Variants in CMIP observed in about 807,000 individuals in gnomAD.
CMIP encodes C-Maf-inducing protein.
In CMIP, 13 loss-of-function variants were observed where a neutral mutation model predicts 97.3. The ratio of observed to expected loss-of-function variants is 0.13; its 90% confidence interval spans 0.09 to 0.21. The LOEUF is 0.21. Among genes scored for constraint, CMIP ranks in the 10% least tolerant of loss-of-function variants. CMIP has a pLI of 1.00. For missense variants in CMIP, 847 were observed against 1,024.9 expected (o/e 0.83, Z 2.37); for synonymous variants, 538 against 436.3 (o/e 1.23, Z -2.91).
At chr16:81,507,117 G>T (rs1475666427) in intron 1 of CMIP, among the ~76,000 whole-genome samples, 1 of 151,978 alleles carries the variant, frequency 6.6e-6, no homozygotes, top group Non-Finnish European at 1.5e-5. Context: ...TTAGCTGGGC[G>T]TGGTGGCGGG....
intron 9 of CMIP, among the ~76,000 whole-genome samples, chr16:81,675,573 T>C (rs568417845): frequency 3.9e-5 from 6 of 152,266 alleles, no homozygotes; most frequent in African/African-American, 1.4e-4. Context: ...TCACCTGGAC[T>C]GCTTTAAAAT....
chr16:81,550,688 C>G (rs1432483831), intron 1 of CMIP, among the ~76,000 whole-genome samples: 1 of 152,152 alleles, frequency 6.6e-6, no homozygotes, highest in Non-Finnish European at 1.5e-5. Context: ...TACTAGAAGG[C>G]TGAAGTCAGG....
At chr16:81,682,398 C>T (rs1904960603) in intron 10 of CMIP, among the ~76,000 whole-genome samples, 1 of 152,126 alleles carries the variant, frequency 6.6e-6, no homozygotes, top group African/African-American at 2.4e-5. Context: ...AACCTCGTCT[C>T]TACTAAAAAT....
At chr16:81,529,797 C>T (rs1004564791) in intron 1 of CMIP, among the ~76,000 whole-genome samples, 5 of 152,270 alleles carry the variant, frequency 3.3e-5, no homozygotes, top group African/African-American at 9.6e-5. Context: ...CCTTGGAGAA[C>T]GGGCAAGGAT....
Position 81,699,796 on chromosome 16 carries a change from G to C in CMIP, c.1750G>C (p.Val584Leu), listed in dbSNP as rs762470722. The change falls in exon 15 of 21, where the codon GTG (valine) becomes CTG (leucine). Residue 584 changes from valine (V) to leucine (L), a missense_variant. Val to Leu is a conservative substitution (Grantham distance 32). This residue lies in a region of CMIP where 266 missense variants were observed against 384.2 expected (regional missense o/e 0.69). Transcript: ENST00000537098. The part of the protein sequence containing the change: ...LLALRGNQTM[V>L]EILCLMLEYN... ...GGCACTGAGGGGGAACCAGACCATG[G>C]TGGAGGTAAGGAGCTGGTCGGGGTC... The C allele has an allele frequency of 1.9e-5, 30 of 1,608,228 alleles. No individual in the cohort carries two copies. Among genetic ancestry groups the C allele is most frequent in the Non-Finnish European group, 3.4e-6 (4 of 1,175,468 alleles).
chr16:81,578,037 A>G (rs1333884533), intron 1 of CMIP, among the ~76,000 whole-genome samples: 1 of 151,012 alleles, frequency 6.6e-6, no homozygotes, highest in Non-Finnish European at 1.5e-5. Flanking sequence ...CATTACCACT[A>G]CTTTATTATC....
At chr16:81,539,271 A>T (rs2090403749) in intron 1 of CMIP, among the ~76,000 whole-genome samples, 1 of 152,228 alleles carries the variant, frequency 6.6e-6, no homozygotes, top group Admixed American at 6.5e-5. Flanking sequence ...TCAGCCCGGC[A>T]GTCTGAAGGT....
intron 2 of CMIP, chr16:81,618,378 T>C (rs2091949045): frequency 6.6e-6 from 1 of 152,284 alleles, no homozygotes. Flanking sequence ...GTGATTTCAT[T>C]GGGCTACCTA....
intron 1 of CMIP, among the ~76,000 whole-genome samples, chr16:81,473,391 C>T (rs1389349768): frequency 6.6e-6 from 1 of 152,210 alleles, no homozygotes; most frequent in African/African-American, 2.4e-5. Context: ...TCCTCTTTGA[C>T]CCGGCAGAGG....
At chr16:81,590,885 C>T (rs1314891568) in intron 1 of CMIP, among the ~76,000 whole-genome samples, 6 of 151,754 alleles carry the variant, frequency 4.0e-5, no homozygotes, top group Non-Finnish European at 8.8e-5. Context: ...TTTCTATTTC[C>T]TCTTGAATGG....
intron 10 of CMIP, among the ~76,000 whole-genome samples, chr16:81,686,531 G>A (rs557849614): frequency 2.0e-5 from 3 of 152,308 alleles, no homozygotes; most frequent in Non-Finnish European, 2.9e-5. Flanking sequence ...TGAGCAAGTC[G>A]GGTAGGCAGT....
intron 3 of CMIP, among the ~76,000 whole-genome samples, chr16:81,641,914 A>G (rs1567628372): frequency 6.6e-6 from 1 of 152,200 alleles, no homozygotes; most frequent in Non-Finnish European, 1.5e-5. Context: ...CCAGAGCTAG[A>G]CCTGGATCCC....
intron 1 of CMIP, among the ~76,000 whole-genome samples, chr16:81,454,489 C>T (rs971986598): frequency 1.6e-4 from 25 of 152,182 alleles, no homozygotes; most frequent in Admixed American, 2.6e-4. Context: ...CCAAGGTTGG[C>T]GGACATTCCT....
intron 1 of CMIP, among the ~76,000 whole-genome samples, chr16:81,460,362 A>T (rs542387505): frequency 4.6e-5 from 7 of 152,242 alleles, no homozygotes; most frequent in African/African-American, 1.7e-4. Flanking sequence ...CCACTCCTGC[A>T]GTCATGTCAC....
chr16:81,497,922 A>G (rs1266552734), intron 1 of CMIP, among the ~76,000 whole-genome samples: 2 of 152,250 alleles, frequency 1.3e-5, no homozygotes, highest in Non-Finnish European at 1.5e-5. Context: ...GTCCCCCCAG[A>G]GGCTTCTCCA....
intron 1 of CMIP, among the ~76,000 whole-genome samples, chr16:81,531,334 G>C (rs1424175313): frequency 6.6e-6 from 1 of 152,182 alleles, no homozygotes; most frequent in Admixed American, 6.5e-5. Context: ...TCCTGCCTCA[G>C]AGCCTCCGGA....
intron 1 of CMIP, among the ~76,000 whole-genome samples, chr16:81,551,020 T>TC (rs1220922344): frequency 2.3e-4 from 9 of 38,774 alleles, no homozygotes; most frequent in South Asian, 8.3e-4. Flanking sequence ...GCACCCCAGT[T>TC]CATCACACGC....
chr16:81,599,358 T>C (rs1228848870), intron 1 of CMIP, among the ~76,000 whole-genome samples: 2 of 152,240 alleles, frequency 1.3e-5, no homozygotes, highest in African/African-American at 4.8e-5. Flanking sequence ...CCTGCCACTT[T>C]GCGTTTGCTG....
intron 17 of CMIP, among the ~76,000 whole-genome samples, chr16:81,702,887 T>C (rs193206525): frequency 2.6e-5 from 4 of 152,250 alleles, no homozygotes; most frequent in Admixed American, 2.0e-4. Context: ...ATACAGATTG[T>C]TGGTGATAAT....
Sources: allele counts gnomAD v4.1 joint callset (sites outside exome capture counted in the v4.1 genomes callset), GRCh38; gene constraint gnomAD v4.1.1; regional missense constraint gnomAD v4.1.1; transcripts MANE v1.5; gene names NCBI Gene and HGNC (gene_info 2026-07-23, HGNC 2026-07-21).